Variants in YIPF7 observed in about 807,000 individuals in gnomAD.
YIPF7 encodes protein YIPF7.
YIPF7 carries 35 observed loss-of-function variants against 27.2 expected under a neutral mutation model. The ratio of observed to expected loss-of-function variants is 1.29; its 90% CI spans 0.98 to 1.70. YIPF7 has a LOEUF of 1.70. Among genes scored for constraint, YIPF7 ranks in the 40% most tolerant of loss-of-function variants. The probability of loss-of-function intolerance (pLI) is 0.00; values close to 1 mark genes in which losing one functional copy is unlikely to be tolerated. For synonymous variants in YIPF7, 137 were observed against 110.4 expected (o/e 1.24, Z -1.51); for missense variants, 358 against 303.7 (o/e 1.18, Z -1.33).
intron 5 of YIPF7, 123 bp downstream of exon 5, chr4:44,624,478 A>T (rs1712553270): frequency 1.7e-6 from 2 of 1,150,724 alleles, no homozygotes; most frequent in South Asian, 1.9e-5. Flanking sequence ...GTAGCTTTTA[A>T]TAGCCATGGT....
At chr4:44,650,924 G>A (rs531506555) in intron 1 of YIPF7, among the ~76,000 whole-genome samples, 10 of 152,084 alleles carry the variant, frequency 6.6e-5, no homozygotes, top group African/African-American at 2.4e-4. Flanking sequence ...ATAAAAAGTA[G>A]AGAATAGAGA....
At chr4:44,632,915 A>G (rs1712965415) in intron 3 of YIPF7, among the ~76,000 whole-genome samples, 2 of 152,158 alleles carry the variant, frequency 1.3e-5, no homozygotes. Context: ...ACCCATATCT[A>G]CCTGCCCATG....
At chr4:44,652,394 T>C (rs1560330665), upstream of YIPF7, among the ~76,000 whole-genome samples, 1 of 152,202 alleles carries the variant, frequency 6.6e-6, no homozygotes, top group Non-Finnish European at 1.5e-5. Flanking sequence ...TCAAGTCCCC[T>C]GTGGTTTGCT....
intron 2 of YIPF7, among the ~76,000 whole-genome samples, chr4:44,648,729 C>T (rs780396252): frequency 6.6e-5 from 10 of 152,088 alleles, no homozygotes; most frequent in Non-Finnish European, 1.2e-4. Flanking sequence ...TACTTTAACA[C>T]ACACTTTCCT....
At chr4:44,649,525 C>A (rs1332712034) in intron 2 of YIPF7, among the ~76,000 whole-genome samples, 1 of 152,096 alleles carries the variant, frequency 6.6e-6, no homozygotes, top group Non-Finnish European at 1.5e-5. Flanking sequence ...AATCCAAACA[C>A]TTTGGGAGGC....
chr4:44,650,507 G>GCGCACACA (rs6148421), intron 1 of YIPF7, among the ~76,000 whole-genome samples: 127 of 137,182 alleles, frequency 9.3e-4, no homozygotes, highest in African/African-American at 2.7e-3. Flanking sequence ...GCGCGCGCGC[G>GCGCACACA]CACACACACA....
At position 44,646,615 on chromosome 4, in the gene YIPF7, G is replaced by A. The variant is rs374417248; in HGVS notation, c.116+3370C>T. Among the ~76,000 whole-genome samples the A allele has an allele frequency of 5.9e-5, 9 of 152,172 alleles. No individual in the cohort carries two copies. In the East Asian group the frequency reaches 1.7e-3, roughly 29 times the overall value. On this transcript the variant is annotated intron_variant, in intron 2 of 5. Transcript: ENST00000415895. ...GGTTGGAAATTATCCCTATCTGAAT[G>A]GCTGAATAATTATGTTTTTAAAAAG... is the stretch of plus-strand genomic sequence containing the variant.
At chr4:44,625,101 A>G (rs1439742248) in intron 4 of YIPF7, among the ~76,000 whole-genome samples, 1 of 152,214 alleles carries the variant, frequency 6.6e-6, no homozygotes, top group African/African-American at 2.4e-5. Flanking sequence ...TTTTGTTCCC[A>G]TATTTATTAA....
intron 2 of YIPF7, among the ~76,000 whole-genome samples, chr4:44,660,078 C>T (rs6842865): frequency 0.072 from 8,393 of 116,630 alleles, 307 homozygotes; most frequent in East Asian, 0.18. Flanking sequence ...TGCGCCACTG[C>T]ACTCCAGCCT....
intron 2 of YIPF7, among the ~76,000 whole-genome samples, chr4:44,656,914 A>T (rs1365040567): frequency 6.6e-6 from 1 of 152,160 alleles, no homozygotes; most frequent in Non-Finnish European, 1.5e-5. Flanking sequence ...TTTTGACTAA[A>T]ATCCTTTAGG....
Position 44,648,583 on chromosome 4 carries a change from C to A in YIPF7, c.116+1402G>T, listed in dbSNP as rs186901513. On this transcript the variant is annotated intron_variant, in intron 2 of 5. Transcript: ENST00000415895. ...AGTCTGACTCTTCTTGCCCTCTAAC[C>A]TAGACCCAAGAAAAAAATTCCAAGA... Among the ~76,000 whole-genome samples, 7 of 152,120 alleles carry A rather than the reference C, an allele frequency of 4.6e-5. No homozygotes were observed. In the East Asian group the frequency reaches 1.2e-3, roughly 25 times the overall value.
intron 2 of YIPF7, among the ~76,000 whole-genome samples, chr4:44,659,632 T>A (rs1032574738): frequency 6.6e-6 from 1 of 152,170 alleles, no homozygotes; most frequent in Non-Finnish European, 1.5e-5. Context: ...AATAAAAATA[T>A]CTAGTTTTAG....
At chr4:44,655,948 A>T (rs913211618), upstream of YIPF7, among the ~76,000 whole-genome samples, 1 of 152,034 alleles carries the variant, frequency 6.6e-6, no homozygotes, top group Non-Finnish European at 1.5e-5. Context: ...AAAGAAAATT[A>T]AAGGATTTTG....
intron 3 of YIPF7, among the ~76,000 whole-genome samples, chr4:44,630,393 A>G (rs1326337321): frequency 6.6e-6 from 1 of 152,228 alleles, no homozygotes; most frequent in Non-Finnish European, 1.5e-5. Context: ...TTTTACTTCC[A>G]CTATGCCTAA....
chr4:44,660,395 C>G (rs1714016319), intron 2 of YIPF7: 1 of 152,102 alleles, frequency 6.6e-6, no homozygotes, highest in Non-Finnish European at 1.5e-5. Context: ...TTAGCTTTTG[C>G]CTGGGTCCCT....
intron 1 of YIPF7, 69 bp from the exon 2 acceptor site, chr4:44,650,170 C>G (rs1113098): frequency 0.67 from 621,336 of 929,222 alleles, 210,228 homozygotes; most frequent in Non-Finnish European, 0.71. Context: ...TATTTACAAA[C>G]ATCAAATGAC....
At chr4:44,632,361 G>A (rs1048569067) in intron 3 of YIPF7, among the ~76,000 whole-genome samples, 3 of 152,108 alleles carry the variant, frequency 2.0e-5, no homozygotes, top group South Asian at 4.1e-4. Flanking sequence ...TACTTTCTAC[G>A]CAAATTGTGG....
intron 4 of YIPF7, among the ~76,000 whole-genome samples, chr4:44,628,341 C>A (rs942609258): frequency 6.6e-6 from 1 of 152,010 alleles, no homozygotes; most frequent in Admixed American, 6.6e-5. Context: ...TGATTATATA[C>A]AATAATTGAA....
chr4:44,650,795 G>A (rs923284044), intron 1 of YIPF7, among the ~76,000 whole-genome samples: 4 of 152,230 alleles, frequency 2.6e-5, no homozygotes, highest in Admixed American at 2.6e-4. Flanking sequence ...GAGTAAAGAG[G>A]AATGATTGTT....
Sources: gnomAD v4.1 joint callset for allele counts (sites outside exome capture counted in the v4.1 genomes callset) on GRCh38, gnomAD v4.1.1 for gene constraint, MANE v1.5 for transcripts, NCBI Gene and HGNC (gene_info 2026-07-23, HGNC 2026-07-21) for gene names.